The following COL19A1 variants were observed in gnomAD, a reference collection of about 807,000 sequenced individuals.
COL19A1 encodes the protein collagen alpha-1(XIX) chain.
In COL19A1, 159 loss-of-function variants were observed where a neutral mutation model predicts 190.2. The ratio of observed to expected loss-of-function variants is 0.84; its 90% CI spans 0.73 to 0.95. COL19A1 has a LOEUF of 0.95. Ranked by LOEUF, COL19A1 falls within the 40% of genes least tolerant of loss-of-function variation. The pLI is 0.00. For missense variants in COL19A1, 1,418 were observed against 1,431.9 expected, an observed-to-expected ratio of 0.99 and a Z score of 0.16; for synonymous variants, 509 against 458.9, an observed-to-expected ratio of 1.11 and a Z score of -1.39.
At chr6:70,151,248 G>A (rs1010594706) in intron 30 of COL19A1, 149 bp from the exon 31 acceptor site, 13 of 660,830 alleles carry the variant, frequency 2.0e-5, no homozygotes, top group East Asian at 2.9e-5. Flanking sequence ...TTCTTTATAC[G>A]AAACATAATG....
intron 9 of COL19A1, among the ~76,000 whole-genome samples, chr6:69,950,676 A>C (rs1413672721): frequency 5.8e-5 from 3 of 52,024 alleles, no homozygotes; most frequent in African/African-American, 9.9e-5. Flanking sequence ...GAATGCAGCC[A>C]CACACACACA....
Position 70,142,017 on chromosome 6 carries a change from G to C in COL19A1, c.1519-6G>C, listed in dbSNP as rs773510342. The stretch of plus-strand genomic sequence containing the variant: ...CATTGATCTTTCCTTCCCCCCACGT[G>C]TTTAGGGTGAACCTGGAGATCCCGG... On this transcript the variant is annotated splice_polypyrimidine_tract_variant and splice_region_variant and intron_variant, in intron 21 of 50. Transcript: ENST00000620364. 1 of 1,612,454 alleles carries C rather than the reference G, an allele frequency of 6.2e-7. No homozygotes were observed. The highest frequency in any genetic ancestry group is 8.5e-7 in the Non-Finnish European group (1 of 1,178,938).
chr6:70,003,013 A>G (rs9454937), intron 11 of COL19A1, among the ~76,000 whole-genome samples: 23,506 of 151,826 alleles, frequency 0.15, 2,473 homozygotes, highest in African/African-American at 0.28. Context: ...GTCTTATGTG[A>G]GCATTAGGTG....
chr6:69,927,866 A>G, intron 4 of COL19A1, 43 bp from the exon 5 acceptor site: 1 of 1,569,176 alleles, frequency 6.4e-7, no homozygotes, highest in Admixed American at 1.9e-5. Context: ...TTTTCTTGCA[A>G]TCTCCAGTTT....
chr6:69,879,496 T>C (rs1768357848), intron 1 of COL19A1, 40 bp from the exon 2 acceptor site: 2 of 1,194,154 alleles, frequency 1.7e-6, no homozygotes, highest in Admixed American at 1.8e-5. Context: ...AGGAGCTGCA[T>C]ACAATAAACT....
At chr6:69,963,363 C>T (rs974772556) in intron 11 of COL19A1, among the ~76,000 whole-genome samples, 17 of 152,120 alleles carry the variant, frequency 1.1e-4, no homozygotes, top group African/African-American at 3.9e-4. Context: ...AAAGTACGGA[C>T]AAGGTATAAG....
intron 11 of COL19A1, among the ~76,000 whole-genome samples, chr6:70,003,311 A>G (rs533065948): frequency 1.4e-3 from 209 of 152,324 alleles, no homozygotes; most frequent in Non-Finnish European, 2.5e-3. Context: ...ATTTTAGAAT[A>G]AGTGCCATGT....
At chr6:69,923,027 A>T (rs958482603) in intron 4 of COL19A1, among the ~76,000 whole-genome samples, 5 of 152,168 alleles carry the variant, frequency 3.3e-5, no homozygotes, top group Non-Finnish European at 7.4e-5. Flanking sequence ...AAGAGAAAAA[A>T]TGTTTTTATT....
At chr6:69,959,531 C>T (rs1774642699) in intron 9 of COL19A1, among the ~76,000 whole-genome samples, 1 of 152,118 alleles carries the variant, frequency 6.6e-6, no homozygotes, top group Non-Finnish European at 1.5e-5. Context: ...CCAAGTCTAC[C>T]ACCTATTACT....
At chr6:69,933,616 GTTAC>G (rs1161921465) in intron 7 of COL19A1, among the ~76,000 whole-genome samples, 4 of 151,830 alleles carry the variant, frequency 2.6e-5, no homozygotes, top group Admixed American at 2.6e-4. Context: ...CCATACAACT[GTTAC>G]TTACTTATAC....
intron 9 of COL19A1, among the ~76,000 whole-genome samples, chr6:69,941,720 G>A (rs1773478787): frequency 7.2e-6 from 1 of 138,856 alleles, no homozygotes; most frequent in African/African-American, 2.7e-5. Flanking sequence ...ACAGAGACTT[G>A]CTCTGTCACC....
At chr6:70,049,572 T>C (rs1780085978) in intron 14 of COL19A1, among the ~76,000 whole-genome samples, 1 of 151,994 alleles carries the variant, frequency 6.6e-6, no homozygotes, top group African/African-American at 2.4e-5. Context: ...TGCCCTTTTG[T>C]TTATAGTTTG....
At chr6:69,962,771 CA>C (rs1296123551) in intron 10 of COL19A1, 54 bp from the exon 11 acceptor site, 2 of 1,171,928 alleles carry the variant, frequency 1.7e-6, no homozygotes, top group Non-Finnish European at 2.4e-6. Context: ...GTAAAAATTG[CA>C]TGTGTTATAA....
chr6:70,119,462 A>T (rs1784759052), intron 16 of COL19A1, among the ~76,000 whole-genome samples: 1 of 152,348 alleles, frequency 6.6e-6, no homozygotes, highest in Admixed American at 6.5e-5. Flanking sequence ...CAATTTCAGT[A>T]AAGTAAATAG....
chr6:70,115,428 T>C (rs900321463), intron 16 of COL19A1, among the ~76,000 whole-genome samples: 3 of 152,282 alleles, frequency 2.0e-5, no homozygotes, highest in Admixed American at 6.5e-5. Context: ...CCCAAGAAAA[T>C]ATAAGTGAAA....
At chr6:69,868,234 G>T (rs959306440) in intron 1 of COL19A1, among the ~76,000 whole-genome samples, 4 of 151,416 alleles carry the variant, frequency 2.6e-5, no homozygotes, top group Non-Finnish European at 5.9e-5. Context: ...GCCCCTGCTC[G>T]TATGTGGGGT....
chr6:70,114,400 CT>C lies in COL19A1; in HGVS notation c.1279-7479del, dbSNP rs554585496. Among the ~76,000 whole-genome samples, 3 of 152,268 alleles carry C rather than the reference CT, an allele frequency of 2.0e-5. No individual in the cohort carries two copies. In the South Asian group the frequency reaches 6.2e-4, roughly 32 times the overall value. ...TGAGTTGAAACCTAGCTCTTGTCTA[CT>C]ATTTATATGACCTTGAGTCAGATAT... On this transcript the variant is annotated intron_variant, in intron 16 of 50. Transcript: ENST00000620364.
intron 30 of COL19A1, 59 bp from the exon 31 acceptor site, chr6:70,151,338 T>C: frequency 6.5e-7 from 1 of 1,530,842 alleles, no homozygotes. Context: ...ACTGTATGTT[T>C]ATATTGTATT....
rs77554293 is a variant in COL19A1 at position 70,018,516 on chromosome 6, G to A, written c.1027-5111G>A. 6.2e-3 allele frequency among the ~76,000 whole-genome samples: 950 copies of A among 152,196 alleles called. 15 individuals carry two copies. Among genetic ancestry groups the A allele is most frequent in the African/African-American group, 0.021 (889 of 41,550 alleles). On this transcript the variant is annotated intron_variant, in intron 11 of 50. Transcript: ENST00000620364. ...TAGAGCAAGGGTGTTTAGAGTGGTG[G>A]TAACAAAACACTTGGAATGACAGAT...
Sources: allele counts gnomAD v4.1 joint callset (sites outside exome capture counted in the v4.1 genomes callset), GRCh38; gene constraint gnomAD v4.1.1; transcripts MANE v1.5; gene names NCBI Gene and HGNC (gene_info 2026-07-23, HGNC 2026-07-21).